The following VPS37A variants were observed in gnomAD, a reference collection of about 807,000 sequenced individuals.
VPS37A encodes the protein VPS37A subunit of ESCRT-I.
A neutral mutation model predicts 49.8 loss-of-function variants in VPS37A; 30 were observed. The observed-to-expected ratio is 0.60, with a 90% CI of 0.45 to 0.82. The LOEUF is 0.82. Among genes scored for constraint, VPS37A ranks in the 40% least tolerant of loss-of-function variants. The probability of loss-of-function intolerance (pLI) is 0.00; values close to 1 mark genes in which losing one functional copy is unlikely to be tolerated. For missense variants in VPS37A, 593 were observed against 464.4 expected, an observed-to-expected ratio of 1.28 and a Z score of -2.55; for synonymous variants, 195 against 160.6, an observed-to-expected ratio of 1.21 and a Z score of -1.62.
intron 1 of VPS37A, among the ~76,000 whole-genome samples, chr8:17,259,087 C>T (rs551477142): frequency 2.9e-4 from 44 of 152,138 alleles, no homozygotes; most frequent in African/African-American, 1.0e-3. Context: ...GTCTCAACTT[C>T]ATTGATTTCT....
At chr8:17,263,372 C>G (rs1813142143) in intron 1 of VPS37A, among the ~76,000 whole-genome samples, 1 of 151,970 alleles carries the variant, frequency 6.6e-6, no homozygotes, top group Non-Finnish European at 1.5e-5. Flanking sequence ...TTAAGTAAAA[C>G]AAGTACTTAT....
intron 1 of VPS37A, among the ~76,000 whole-genome samples, chr8:17,258,766 C>G (rs981337817): frequency 1.3e-5 from 2 of 151,978 alleles, no homozygotes; most frequent in African/African-American, 4.8e-5. Flanking sequence ...TGATGTGAGA[C>G]TTTTTATTAT....
At chr8:17,318,528 A>G in the VPS37A span, among the ~76,000 whole-genome samples, 2 of 152,128 alleles carry the variant, frequency 1.3e-5, no homozygotes, top group Non-Finnish European at 2.9e-5. Flanking sequence ...CATAACGGAT[A>G]GTGTTCCCGA....
At chr8:17,313,506 G>T in the VPS37A span, 1 of 686,464 alleles carries the variant, frequency 1.5e-6, no homozygotes, top group Non-Finnish European at 2.4e-6. Context: ...GTTGTATTAG[G>T]TATTTTCTGG....
downstream of VPS37A, chr8:17,298,050 G>A (rs1483949609): frequency 6.6e-6 from 1 of 151,964 alleles, no homozygotes; most frequent in Non-Finnish European, 1.5e-5. Context: ...TTTAAAAAAT[G>A]TTTATTGTTT....
chr8:17,299,335 A>G (rs1293376152), downstream of VPS37A: 2 of 152,572 alleles, frequency 1.3e-5, no homozygotes, highest in Non-Finnish European at 2.9e-5. Context: ...AAGATAAGCA[A>G]TTAAAAGCTC....
chr8:17,318,763 C>G, the VPS37A span, among the ~76,000 whole-genome samples: 3 of 152,178 alleles, frequency 2.0e-5, no homozygotes, highest in African/African-American at 7.2e-5. Context: ...TGTCCTCACT[C>G]CCCTGCCTCT....
At chr8:17,302,398 C>A (rs1204659625), downstream of VPS37A, 1 of 1,221,812 alleles carries the variant, frequency 8.2e-7, no homozygotes, top group African/African-American at 1.6e-5. Flanking sequence ...ATGCAAATTT[C>A]AGCCTCAAAA....
At chr8:17,286,243 A>G in intron 10 of VPS37A, 104 bp from the exon 11 acceptor site, 1 of 875,858 alleles carries the variant, frequency 1.1e-6, no homozygotes, top group Non-Finnish European at 1.7e-6. Flanking sequence ...TCAAAACATA[A>G]AATAATGCCA....
At chr8:17,257,517 A>G (rs1423661518) in intron 1 of VPS37A, among the ~76,000 whole-genome samples, 1 of 152,194 alleles carries the variant, frequency 6.6e-6, no homozygotes, top group Non-Finnish European at 1.5e-5. Flanking sequence ...GGATAGCATT[A>G]GGAGAAATAC....
chr8:17,254,412 AG>A (rs1812249075), intron 1 of VPS37A, among the ~76,000 whole-genome samples: 1 of 152,190 alleles, frequency 6.6e-6, no homozygotes, highest in African/African-American at 2.4e-5. Flanking sequence ...GAAACAAGCT[AG>A]GAAAAGAGGC....
At chr8:17,272,614 A>T (rs1447160154) in intron 4 of VPS37A, among the ~76,000 whole-genome samples, 2 of 152,200 alleles carry the variant, frequency 1.3e-5, no homozygotes, top group Non-Finnish European at 2.9e-5. Flanking sequence ...TTGGGTCAGA[A>T]TTATTGATTT....
chr8:17,278,575 T>G (rs1563272686), intron 6 of VPS37A, among the ~76,000 whole-genome samples: 2 of 152,136 alleles, frequency 1.3e-5, no homozygotes, highest in South Asian at 4.1e-4. Context: ...TGCTGTGGGC[T>G]CATCATGAAC....
At chr8:17,328,524 C>G in the VPS37A span, among the ~76,000 whole-genome samples, 5 of 151,680 alleles carry the variant, frequency 3.3e-5, no homozygotes, top group African/African-American at 1.2e-4. Context: ...AATGAGAACA[C>G]ATGGCCACAC....
intron 1 of VPS37A, chr8:17,248,012 T>C (rs991025806): frequency 9.6e-6 from 5 of 519,696 alleles, no homozygotes; most frequent in African/African-American, 7.7e-5. Context: ...TCTTGATTGT[T>C]CTGTTGTCTT....
chr8:17,301,636 C>G (rs898245570), downstream of VPS37A: 1 of 153,702 alleles, frequency 6.5e-6, no homozygotes, highest in African/African-American at 2.4e-5. Flanking sequence ...TACATTAGTA[C>G]CATTGGAAAC....
At chr8:17,300,462 A>G (rs1817041184), downstream of VPS37A, among the ~76,000 whole-genome samples, 4 of 152,172 alleles carry the variant, frequency 2.6e-5, no homozygotes, top group Admixed American at 2.6e-4. Context: ...ATAATAAACA[A>G]TATAGCACAG....
the VPS37A span, among the ~76,000 whole-genome samples, chr8:17,314,701 C>G: frequency 2.6e-5 from 4 of 152,158 alleles, no homozygotes; most frequent in African/African-American, 9.7e-5. Context: ...CAGCAAAACA[C>G]CCAACCTAAG....
intron 1 of VPS37A, chr8:17,247,664 A>G (rs553011403): frequency 2.8e-6 from 2 of 703,752 alleles, no homozygotes; most frequent in African/African-American, 1.7e-5. Flanking sequence ...GTCTATTTCC[A>G]GTATCCCTTG....
Sources: allele counts gnomAD v4.1 joint callset (sites outside exome capture counted in the v4.1 genomes callset), GRCh38; gene constraint gnomAD v4.1.1; transcripts MANE v1.5; gene names NCBI Gene and HGNC (gene_info 2026-07-23, HGNC 2026-07-21).